KCNK12: variants seen among roughly 807,000 people sequenced by gnomAD.
KCNK12 encodes potassium two pore domain channel subfamily K member 12, also known as potassium channel subfamily K member 12.
A neutral mutation model predicts 25.3 loss-of-function variants in KCNK12; 6 were observed. That is an observed-to-expected ratio of 0.24 (90% CI 0.13 to 0.47). The LOEUF is 0.47. KCNK12 is among the 20% of genes least tolerant of loss of function. KCNK12 has a pLI of 0.99. For synonymous variants in KCNK12, 331 were observed against 311.1 expected, an observed-to-expected ratio of 1.06 and a Z score of -0.67; for missense variants, 444 against 661.7, an observed-to-expected ratio of 0.67 and a Z score of 3.61.
chr2:47,552,899 G>C (rs757887685), intron 1 of KCNK12, among the ~76,000 whole-genome samples: 10 of 152,210 alleles, frequency 6.6e-5, no homozygotes, highest in Non-Finnish European at 1.0e-4. Context: ...GATCAGCAGA[G>C]GTCTTGTTGA....
At position 47,555,191 on chromosome 2, in the gene KCNK12, A is replaced by G. The variant is rs938439300; in HGVS notation, c.391+14750T>C. On this transcript the variant is annotated intron_variant, in intron 1 of 1. Coordinates refer to ENST00000327876, the MANE Select transcript of KCNK12 (RefSeq NM_022055.2). The surrounding 1 kb of genome is among the most constrained non-coding windows in gnomAD (Gnocchi z 4.5). ...TGTAGAAGATGGGTTATTCATCAAT[A>G]GATAAATGGGTTTAAAGCCAAAGGG... 1.3e-5 allele frequency among the ~76,000 whole-genome samples: 2 copies of G among 152,252 alleles called. No individual in the cohort carries two copies. The highest frequency in any genetic ancestry group is 2.9e-5 in the Non-Finnish European group (2 of 68,050).
intron 1 of KCNK12, among the ~76,000 whole-genome samples, chr2:47,530,439 G>A (rs981795887): frequency 6.6e-6 from 1 of 152,282 alleles, no homozygotes. Context: ...ACCGACCACC[G>A]TGGACAAGCC....
Position 47,521,245 on chromosome 2 carries a change from C to A in KCNK12, c.955G>T (p.Ala319Ser), listed in dbSNP as rs1253421739. Residue 319 changes from alanine (A) to serine (S), a missense_variant, in exon 2 of 2, where the codon GCG becomes TCG. By Grantham distance (99) the Ala-to-Ser change is moderately conservative. This residue lies in a region of KCNK12 where 69 missense variants were observed against 81.7 expected (regional missense o/e 0.84). Transcript: ENST00000327876. ...GCGCCAGGAGCCGGGCAGCAGCGCG[C>A]GCAGCAGCGGCAGCTCAGCTTGCGC... ...MLRKLSCRCC[A>S]RCCPAPGAPL... is the part of the protein sequence containing the mutation. The A allele has an allele frequency of 1.2e-6, 2 of 1,606,780 alleles. No homozygotes were observed. The highest frequency in any genetic ancestry group is 2.2e-5 in the East Asian group (1 of 44,554).
intron 1 of KCNK12, among the ~76,000 whole-genome samples, chr2:47,522,844 A>C (rs1668688412): frequency 6.6e-6 from 1 of 152,208 alleles, no homozygotes; most frequent in South Asian, 2.1e-4. Context: ...CTAGAATAGC[A>C]GACTTTTCTG....
At chr2:47,527,086 A>G (rs1333371470) in intron 1 of KCNK12, among the ~76,000 whole-genome samples, 1 of 152,228 alleles carries the variant, frequency 6.6e-6, no homozygotes, top group Non-Finnish European at 1.5e-5. Flanking sequence ...ACTGAAACCC[A>G]GGTGTGCTAG....
chr2:47,530,728 G>A (rs375126793), intron 1 of KCNK12, among the ~76,000 whole-genome samples: 2 of 152,170 alleles, frequency 1.3e-5, no homozygotes, highest in East Asian at 3.8e-4. Flanking sequence ...TTATTTGGCA[G>A]TATTTTAAAT....
At chr2:47,527,234 T>C (rs548112447) in intron 1 of KCNK12, among the ~76,000 whole-genome samples, 3 of 152,336 alleles carry the variant, frequency 2.0e-5, no homozygotes, top group East Asian at 1.9e-4. Context: ...GAGTGGCTGC[T>C]GCTCAGAGTT....
chr2:47,567,821 T>C (rs1922043), intron 1 of KCNK12, among the ~76,000 whole-genome samples: 21,178 of 152,260 alleles, frequency 0.14, 1,632 homozygotes, highest in East Asian at 0.32. Context: ...AAAGAGAATA[T>C]AGCTCCTTTC....
chr2:47,549,698 G>A (rs1331779218), intron 1 of KCNK12, among the ~76,000 whole-genome samples: 2 of 152,178 alleles, frequency 1.3e-5, no homozygotes, highest in African/African-American at 4.8e-5. Flanking sequence ...CACTTTGGGA[G>A]GCCAAGATGG....
intron 1 of KCNK12, among the ~76,000 whole-genome samples, chr2:47,558,577 C>A (rs1669597153): frequency 1.3e-5 from 2 of 152,206 alleles, no homozygotes; most frequent in African/African-American, 2.4e-5. Context: ...CCTGGGCTGT[C>A]CCTGCAGAAT....
chr2:47,564,175 C>T (rs1017957856), intron 1 of KCNK12: 11 of 231,134 alleles, frequency 4.8e-5, no homozygotes, highest in Non-Finnish European at 7.7e-5. Context: ...AGTGGATGTG[C>T]GGCCCCTTTC....
intron 1 of KCNK12, among the ~76,000 whole-genome samples, chr2:47,554,367 G>C (rs890583030): frequency 6.6e-6 from 1 of 152,168 alleles, no homozygotes; most frequent in Non-Finnish European, 1.5e-5. Flanking sequence ...GGGGTTAGTG[G>C]GGGACACTAC....
In KCNK12 at chr2:47,538,227, A is replaced by C. The variant is rs572027877; in HGVS notation, c.392-16419T>G. Among the ~76,000 whole-genome samples the C allele has an allele frequency of 1.3e-5, 2 of 152,252 alleles. No homozygotes were observed. Among genetic ancestry groups the C allele is most frequent in the African/African-American group, 2.4e-5 (1 of 41,460 alleles). ...ACATTTCAGTATGGGAGATGGAATA[A>C]TAAACTACAAACAATTACGTGGCCT... On this transcript the variant is annotated intron_variant, in intron 1 of 1. Transcript: ENST00000327876. The surrounding 1 kb of genome is among the most constrained non-coding windows in gnomAD (Gnocchi z 4.5).
Position 47,562,495 on chromosome 2 carries a change from C to T in KCNK12, c.391+7446G>A, listed in dbSNP as rs1293713739. On this transcript the variant is annotated intron_variant, in intron 1 of 1. Coordinates refer to ENST00000327876, the MANE Select transcript of KCNK12 (RefSeq NM_022055.2). The surrounding 1 kb of genome is among the most constrained non-coding windows in gnomAD (Gnocchi z 4.8). Reference sequence around the variant, plus strand: ...AGCCCCATGTTGGGGGTTGGCCAAGCGCAGGGAGGAGGCAGCACTCACAAG... The same window carrying T: ...AGCCCCATGTTGGGGGTTGGCCAAGTGCAGGGAGGAGGCAGCACTCACAAG... 3 of 242,988 alleles carry T rather than the reference C, an allele frequency of 1.2e-5. No homozygotes were observed. The highest frequency in any genetic ancestry group is 2.2e-5 in the African/African-American group (1 of 45,736). 15.1% of individuals were successfully genotyped at this position (242,988 alleles called of 1,614,324 possible).
At chr2:47,552,241 C>A (rs958190601) in intron 1 of KCNK12, among the ~76,000 whole-genome samples, 3 of 152,308 alleles carry the variant, frequency 2.0e-5, no homozygotes, top group African/African-American at 7.2e-5. Context: ...CTGCTGCACC[C>A]CCGCCTCCAC....
At chr2:47,558,717 T>A (rs1669600891) in intron 1 of KCNK12, among the ~76,000 whole-genome samples, 1 of 152,192 alleles carries the variant, frequency 6.6e-6, no homozygotes, top group Admixed American at 6.5e-5. Context: ...CGGAGTGCGA[T>A]TCGGAGTTTG....
At position 47,514,715 on chromosome 2, in the gene KCNK12, A is replaced by G. The variant is rs985069578; in HGVS notation, c.*6192T>C. ...AACATCGACTTCCTGGGCTCAGGCG[A>G]TCCTCCCACCTCAGCCCCCTGAGTC... On this transcript the variant is annotated 3_prime_UTR_variant, in exon 2 of 2. Coordinates refer to ENST00000327876, the MANE Select transcript of KCNK12 (RefSeq NM_022055.2). The surrounding 1 kb of genome is among the most constrained non-coding windows in gnomAD (Gnocchi z 5.0). 2.7e-5 allele frequency among the ~76,000 whole-genome samples: 4 copies of G among 150,790 alleles called. No individual in the cohort carries two copies. Among genetic ancestry groups the G allele is most frequent in the Admixed American group, 6.6e-5 (1 of 15,096 alleles).
chr2:47,555,636 C>T lies in KCNK12; in HGVS notation c.391+14305G>A, dbSNP rs561314759. Among the ~76,000 whole-genome samples, 549 of 152,274 alleles carry T rather than the reference C, an allele frequency of 3.6e-3. 4 individuals are homozygous for T. Among genetic ancestry groups the T allele is most frequent in the African/African-American group, 0.012 (512 of 41,532 alleles). ...GTAATTCCTTTTCTATGAAGGCCTC[C>T]ATATGTATATGCAATAAATCTTTTC... On this transcript the variant is annotated intron_variant, in intron 1 of 1. Transcript: ENST00000327876. This position sits in a 1 kb window ranked among gnomAD's most constrained non-coding sequence, Gnocchi z 4.5.
rs1374602061 is a variant in KCNK12, at chr2:47,556,801, A to T, written c.391+13140T>A. On this transcript the variant is annotated intron_variant, in intron 1 of 1. Transcript: ENST00000327876. This position sits in a 1 kb window ranked among gnomAD's most constrained non-coding sequence, Gnocchi z 4.8. Reference sequence around the variant, plus strand: ...TAGGTCTTACAGCCAAAGGATTATGATCTCACCCAAACAGGGTGATATCAG... The same window carrying T: ...TAGGTCTTACAGCCAAAGGATTATGTTCTCACCCAAACAGGGTGATATCAG... Among the ~76,000 whole-genome samples the T allele has an allele frequency of 6.6e-6, 1 of 152,236 alleles. No individual in the cohort carries two copies. Among genetic ancestry groups the T allele is most frequent in the Non-Finnish European group, 1.5e-5 (1 of 68,052 alleles).
Sources: allele counts gnomAD v4.1 joint callset (sites outside exome capture counted in the v4.1 genomes callset), GRCh38; gene constraint gnomAD v4.1.1; regional missense constraint gnomAD v4.1.1; non-coding constraint Gnocchi (gnomAD v3.1); transcripts MANE v1.5; gene names NCBI Gene and HGNC (gene_info 2026-07-23, HGNC 2026-07-21).